Variants in EMCN observed in about 807,000 individuals in gnomAD.
EMCN encodes endomucin, also known as MUC-14.
In EMCN, 37 loss-of-function variants were observed where a neutral mutation model predicts 38.4. The observed-to-expected ratio is 0.96, with a 90% CI of 0.74 to 1.27. The LOEUF (loss-of-function observed/expected upper bound fraction) is 1.27. EMCN is among the 50% of genes most tolerant of loss of function. The pLI is 0.00. For missense variants in EMCN, 318 were observed against 302.8 expected, an observed-to-expected ratio of 1.05 and a Z score of -0.37; for synonymous variants, 95 against 100.8, an observed-to-expected ratio of 0.94 and a Z score of 0.35.
chr4:100,441,087 C>CAA (rs879847153), intron 5 of EMCN, among the ~76,000 whole-genome samples: 1 of 134,982 alleles, frequency 7.4e-6, no homozygotes, highest in Non-Finnish European at 1.6e-5. Context: ...GACTCTGTCT[C>CAA]AAAAAAAAAA....
At chr4:100,455,801 G>GT (rs1000376447) in intron 4 of EMCN, among the ~76,000 whole-genome samples, 57 of 150,982 alleles carry the variant, frequency 3.8e-4, no homozygotes, top group South Asian at 1.0e-3. Flanking sequence ...TTTTTCTTTT[G>GT]TTTTTTTTCT....
intron 1 of EMCN, among the ~76,000 whole-genome samples, chr4:100,496,630 A>G (rs1729214818): frequency 6.6e-6 from 1 of 152,206 alleles, no homozygotes; most frequent in South Asian, 2.1e-4. Flanking sequence ...TCAGCTCTAG[A>G]CAGGTATCAT....
At chr4:100,440,860 C>A (rs113140258) in intron 5 of EMCN, among the ~76,000 whole-genome samples, 1 of 151,920 alleles carries the variant, frequency 6.6e-6, no homozygotes, top group Non-Finnish European at 1.5e-5. Context: ...CCAAGGCAGG[C>A]AGATCATGAG....
At chr4:100,465,807 G>T (rs1728299916) in intron 3 of EMCN, among the ~76,000 whole-genome samples, 1 of 152,106 alleles carries the variant, frequency 6.6e-6, no homozygotes, top group Non-Finnish European at 1.5e-5. Context: ...TAATCATGAT[G>T]ATGATGATTT....
At chr4:100,517,588 C>A (rs1729791608) in intron 1 of EMCN, among the ~76,000 whole-genome samples, 2 of 152,052 alleles carry the variant, frequency 1.3e-5, no homozygotes, top group Non-Finnish European at 2.9e-5. Context: ...TCTAAAGAGG[C>A]CATTGTATAT....
chr4:100,515,969 C>A (rs1024262686), intron 1 of EMCN, among the ~76,000 whole-genome samples: 2 of 150,704 alleles, frequency 1.3e-5, no homozygotes, highest in Non-Finnish European at 2.9e-5. Flanking sequence ...TTGAGCATAG[C>A]CTCCTCTCTA....
At chr4:100,474,487 C>T (rs76223351) in intron 3 of EMCN, among the ~76,000 whole-genome samples, 2,040 of 152,222 alleles carry the variant, frequency 0.013, 42 homozygotes, top group African/African-American at 0.046. Context: ...CTTAGCAATT[C>T]GGCCTCAAGA....
At chr4:100,398,726 T>G (rs1726177607) in intron 11 of EMCN, among the ~76,000 whole-genome samples, 1 of 152,118 alleles carries the variant, frequency 6.6e-6, no homozygotes, top group Non-Finnish European at 1.5e-5. Flanking sequence ...CACCACATCA[T>G]GAAATTTTTA....
At chr4:100,432,369 T>A (rs1301795669) in intron 5 of EMCN, among the ~76,000 whole-genome samples, 1 of 152,176 alleles carries the variant, frequency 6.6e-6, no homozygotes, top group African/African-American at 2.4e-5. Flanking sequence ...TATCTGAAGT[T>A]CACCCATGAC....
intron 5 of EMCN, among the ~76,000 whole-genome samples, chr4:100,434,608 T>A (rs763129252): frequency 6.6e-6 from 1 of 152,070 alleles, no homozygotes; most frequent in Non-Finnish European, 1.5e-5. Flanking sequence ...CTGATGAACA[T>A]CAATGCAAAA....
intron 1 of EMCN, among the ~76,000 whole-genome samples, chr4:100,511,516 T>C (rs1213532998): frequency 1.3e-5 from 2 of 152,182 alleles, no homozygotes; most frequent in African/African-American, 2.4e-5. Flanking sequence ...ATAAAATCAA[T>C]GACATCAACA....
intron 1 of EMCN, among the ~76,000 whole-genome samples, chr4:100,497,660 G>T (rs974268874): frequency 2.0e-4 from 30 of 152,168 alleles, no homozygotes; most frequent in African/African-American, 7.0e-4. Context: ...ACAGGCGTGA[G>T]CCACCGCTCC....
intron 5 of EMCN, among the ~76,000 whole-genome samples, chr4:100,435,901 G>C (rs1214914112): frequency 6.6e-6 from 1 of 152,078 alleles, no homozygotes; most frequent in African/African-American, 2.4e-5. Context: ...AGACATAAAT[G>C]TAAAACTCAA....
intron 7 of EMCN, among the ~76,000 whole-genome samples, chr4:100,421,940 T>G (rs918711809): frequency 6.6e-6 from 1 of 151,646 alleles, no homozygotes; most frequent in African/African-American, 2.4e-5. Context: ...TTTGGGGGAG[T>G]GATGTTGCTG....
At chr4:100,437,298 C>T (rs755624111) in intron 5 of EMCN, among the ~76,000 whole-genome samples, 3 of 151,654 alleles carry the variant, frequency 2.0e-5, no homozygotes, top group Non-Finnish European at 3.0e-5. Context: ...ACATTTGCAT[C>T]TTAACCCCTT....
intron 11 of EMCN, among the ~76,000 whole-genome samples, chr4:100,405,435 A>G (rs1578389520): frequency 6.6e-6 from 1 of 152,132 alleles, no homozygotes; most frequent in Non-Finnish European, 1.5e-5. Flanking sequence ...AAGATGTTAA[A>G]TTCTTTCACA....
intron 3 of EMCN, among the ~76,000 whole-genome samples, chr4:100,474,403 G>A (rs978164953): frequency 6.6e-6 from 1 of 152,164 alleles, no homozygotes; most frequent in African/African-American, 2.4e-5. Flanking sequence ...GTATGTTGCT[G>A]GTGGAAATGT....
At chr4:100,423,651 C>G (rs964839083) in intron 5 of EMCN, among the ~76,000 whole-genome samples, 1 of 152,070 alleles carries the variant, frequency 6.6e-6, no homozygotes, top group African/African-American at 2.4e-5. Flanking sequence ...AAGAAAACTT[C>G]AGTAAGTTTT....
At chr4:100,434,756 C>T (rs1308008865) in intron 5 of EMCN, among the ~76,000 whole-genome samples, 3 of 152,150 alleles carry the variant, frequency 2.0e-5, no homozygotes, top group African/African-American at 7.2e-5. Context: ...ATCACGTAAA[C>T]AGAACTAAAG....
Sources: allele counts gnomAD v4.1 joint callset (sites outside exome capture counted in the v4.1 genomes callset), GRCh38; gene constraint gnomAD v4.1.1; transcripts MANE v1.5; gene names NCBI Gene and HGNC (gene_info 2026-07-23, HGNC 2026-07-21).